The following FAM169A variants were observed in gnomAD, a reference collection of about 807,000 sequenced individuals.
FAM169A encodes family with sequence similarity 169 member A.
In FAM169A, 24 loss-of-function variants were observed where a neutral mutation model predicts 75.7. The observed-to-expected ratio is 0.32, with a 90% CI of 0.23 to 0.45. The LOEUF (loss-of-function observed/expected upper bound fraction) is 0.45, where lower values mean the gene tolerates loss of function less well. FAM169A is among the 20% of genes least tolerant of loss of function. FAM169A has a pLI of 1.00. For synonymous variants in FAM169A, 271 were observed against 271.0 expected (o/e 1.00, Z 0.00); for missense variants, 673 against 784.0 (o/e 0.86, Z 1.69).
intron 5 of FAM169A, among the ~76,000 whole-genome samples, chr5:74,818,307 A>AG (rs1337212896): frequency 6.6e-6 from 1 of 152,158 alleles, no homozygotes; most frequent in Non-Finnish European, 1.5e-5. Flanking sequence ...CAACTCAAAA[A>AG]GAAAAAAAAG....
chr5:74,841,219 A>AT (rs1450729848), intron 2 of FAM169A, among the ~76,000 whole-genome samples: 5 of 152,218 alleles, frequency 3.3e-5, no homozygotes, highest in East Asian at 3.8e-4. Context: ...TGTTTTGCTG[A>AT]TTTTTTAATT....
chr5:74,812,833 G>A (rs1237157522), intron 6 of FAM169A, among the ~76,000 whole-genome samples: 1 of 152,182 alleles, frequency 6.6e-6, no homozygotes, highest in South Asian at 2.1e-4. Flanking sequence ...GTGGAGGGCT[G>A]TAATAAAATA....
chr5:74,841,457 C>G, intron 2 of FAM169A, 88 bp downstream of exon 2: 1 of 1,047,132 alleles, frequency 9.5e-7, no homozygotes, highest in Non-Finnish European at 1.3e-6. Flanking sequence ...ATGATTAACA[C>G]TTAAAATGAT....
At chr5:74,804,641 T>A (rs1746769993) in intron 7 of FAM169A, 36 bp from the exon 8 acceptor site, 5 of 1,234,018 alleles carry the variant, frequency 4.1e-6, no homozygotes, top group Admixed American at 1.8e-5. Context: ...TGTAACCGAA[T>A]CAGTATTTGG....
chr5:74,787,194 A>G (rs936900136), intron 11 of FAM169A, among the ~76,000 whole-genome samples: 4 of 152,160 alleles, frequency 2.6e-5, no homozygotes, highest in African/African-American at 9.7e-5. Flanking sequence ...GTGTGGGATG[A>G]TGGTGGAAGG....
chr5:74,834,751 A>T (rs1194345742), intron 4 of FAM169A, among the ~76,000 whole-genome samples, 154 bp from the exon 5 acceptor site: 1 of 152,204 alleles, frequency 6.6e-6, no homozygotes, highest in East Asian at 1.9e-4. Flanking sequence ...ATTACCACAG[A>T]GATGAGACTA....
Position 74,834,607 on chromosome 5 carries a change from G to C in FAM169A, c.319-10C>G. On this transcript the variant is annotated splice_polypyrimidine_tract_variant and intron_variant, in intron 4 of 12. Transcript: ENST00000687041. ...CCCCAAGAGTGCTCACCTACAAAGAGAGTCAAACACCAGGCACAGCAGTTA... is the reference window on the plus strand; with the variant it reads ...CCCCAAGAGTGCTCACCTACAAAGACAGTCAAACACCAGGCACAGCAGTTA... 3 of 1,515,350 alleles carry C rather than the reference G, an allele frequency of 2.0e-6. No individual in the cohort carries two copies. Among genetic ancestry groups the C allele is most frequent in the Non-Finnish European group, 1.8e-6 (2 of 1,134,760 alleles). 93.9% of individuals were successfully genotyped at this position (1,515,350 alleles called of 1,614,324 possible).
At chr5:74,839,538 T>G (rs977915240) in intron 3 of FAM169A, among the ~76,000 whole-genome samples, 3 of 151,582 alleles carry the variant, frequency 2.0e-5, no homozygotes, top group Admixed American at 1.3e-4. Flanking sequence ...TTTTTTTTTT[T>G]TTTGAGATGG....
chr5:74,786,690 T>C (rs1411837666), intron 11 of FAM169A, among the ~76,000 whole-genome samples: 1 of 152,190 alleles, frequency 6.6e-6, no homozygotes, highest in East Asian at 1.9e-4. Context: ...CAAAAGCAGA[T>C]ACTCGCTTTA....
At chr5:74,808,573 A>T (rs913164074) in intron 6 of FAM169A, among the ~76,000 whole-genome samples, 1 of 151,942 alleles carries the variant, frequency 6.6e-6, no homozygotes, top group African/African-American at 2.4e-5. Flanking sequence ...ATGGGTACAA[A>T]ACACTGTGCA....
intron 1 of FAM169A, among the ~76,000 whole-genome samples, chr5:74,846,231 T>C (rs1232500180): frequency 6.6e-6 from 1 of 152,222 alleles, no homozygotes; most frequent in East Asian, 1.9e-4. Flanking sequence ...AAAGATTCAC[T>C]TGAATATTAG....
chr5:74,835,912 G>A (rs940136889), intron 4 of FAM169A, among the ~76,000 whole-genome samples: 1 of 152,066 alleles, frequency 6.6e-6, no homozygotes, highest in Non-Finnish European at 1.5e-5. Context: ...CAGCCACATA[G>A]CCTATAAATA....
chr5:74,847,702 C>T (rs1198898436), intron 1 of FAM169A, among the ~76,000 whole-genome samples: 1 of 152,104 alleles, frequency 6.6e-6, no homozygotes, highest in African/African-American at 2.4e-5. Context: ...CAGCACTATA[C>T]AAAAACACAC....
rs1219323827 is a variant in FAM169A at position 74,864,539 on chromosome 5, TTTA to T, written c.-4+1623_-4+1625del. Among the ~76,000 whole-genome samples, 3 of 152,388 alleles carry T rather than the reference TTTA, an allele frequency of 2.0e-5. No homozygotes were observed. The East Asian group carries it at 5.8e-4, about 29-fold the overall frequency. ...CACCGCACCCGGCCTATATCCCATC[TTTA>T]TTAAATAAATACCACTTGTAATGAC... On this transcript the variant is annotated intron_variant, in intron 1 of 12. Transcript: ENST00000687041.
chr5:74,783,023 A>C lies in FAM169A; in HGVS notation c.1372T>G (p.Leu458Val). ...TSEVLDEELK[L>V]QPFNSSEDST... Reference sequence around the variant, plus strand: ...TCTTCACTGGAATTAAAAGGCTGCAATTTTAATTCTTCATCTAAAACTTCA... The same window carrying C: ...TCTTCACTGGAATTAAAAGGCTGCACTTTTAATTCTTCATCTAAAACTTCA... The change falls in exon 12 of 13, where the codon TTG (leucine) becomes GTG (valine). Residue 458 changes from leucine to valine, a missense_variant. By Grantham distance (32) the Leu-to-Val change is conservative (BLOSUM62 1). This residue lies in a region of FAM169A where 510 missense variants were observed against 550.9 expected (regional missense o/e 0.93). Transcript: ENST00000687041. 6.2e-7 allele frequency: 1 copy of C among 1,613,422 alleles called. No individual in the cohort carries two copies. Among genetic ancestry groups the C allele is most frequent in the Non-Finnish European group, 8.5e-7 (1 of 1,179,372 alleles).
chr5:74,848,770 T>C (rs1446723405), intron 1 of FAM169A: 1 of 152,212 alleles, frequency 6.6e-6, no homozygotes, highest in Non-Finnish European at 1.5e-5. Flanking sequence ...ACTATGTAAA[T>C]TGCAAGCCTA....
intron 11 of FAM169A, among the ~76,000 whole-genome samples, chr5:74,791,705 A>G (rs939517001): frequency 6.6e-5 from 10 of 152,220 alleles, no homozygotes; most frequent in Admixed American, 6.5e-4. Flanking sequence ...ATGGGAAACT[A>G]CAACAGCCCA....
In FAM169A at chr5:74,781,270, A is replaced by G; in HGVS notation, c.*190T>C. On this transcript the variant is annotated 3_prime_UTR_variant, in exon 13 of 13. Transcript: ENST00000687041. ...ATAAAAAATTGCATTTACCAAAAATAGCCTGGAAAATTAAAAACAATGGTG... is the reference window on the plus strand; with the variant it reads ...ATAAAAAATTGCATTTACCAAAAATGGCCTGGAAAATTAAAAACAATGGTG... 4.0e-6 allele frequency: 2 copies of G among 501,472 alleles called. No homozygotes were observed. Among genetic ancestry groups the G allele is most frequent in the East Asian group, 5.9e-5 (2 of 33,814 alleles). The allele number at this position is 501,472 out of a possible 1,614,324, so 31.1% of individuals were successfully genotyped here.
At chr5:74,855,107 C>A (rs1362948091) in intron 1 of FAM169A, among the ~76,000 whole-genome samples, 1 of 152,200 alleles carries the variant, frequency 6.6e-6, no homozygotes, top group African/African-American at 2.4e-5. Flanking sequence ...TTCTCCACAT[C>A]CTCACCAGCA....
Sources: allele counts gnomAD v4.1 joint callset (sites outside exome capture counted in the v4.1 genomes callset), GRCh38; gene constraint gnomAD v4.1.1; regional missense constraint gnomAD v4.1.1; transcripts MANE v1.5; gene names NCBI Gene and HGNC (gene_info 2026-07-23, HGNC 2026-07-21).